Variants in C9 observed in about 807,000 individuals in gnomAD.
C9 encodes complement C9, also known as complement component C9.
C9 carries 63 observed loss-of-function variants against 65.4 expected under a neutral mutation model. That is an observed-to-expected ratio of 0.96 (90% CI 0.79 to 1.19). C9 has a LOEUF of 1.19. Among genes scored for constraint, C9 ranks in the 50% most tolerant of loss-of-function variants. C9 has a pLI of 0.00. For synonymous variants in C9, 229 were observed against 227.9 expected (o/e 1.00, Z -0.04); for missense variants, 744 against 670.1 (o/e 1.11, Z -1.22).
intron 4 of C9, among the ~76,000 whole-genome samples, chr5:39,338,609 C>G (rs1161852084): frequency 1.3e-5 from 2 of 152,212 alleles, no homozygotes; most frequent in Admixed American, 6.5e-5. Flanking sequence ...TAGGTTATTA[C>G]TCATGGTAAT....
At chr5:39,289,772 C>A (rs1489312331) in intron 9 of C9, among the ~76,000 whole-genome samples, 1 of 151,718 alleles carries the variant, frequency 6.6e-6, no homozygotes, top group Non-Finnish European at 1.5e-5. Flanking sequence ...ATTGAGGTAA[C>A]TACGATGAAC....
chr5:39,315,551 C>T (rs964306987), intron 6 of C9, among the ~76,000 whole-genome samples: 6 of 152,094 alleles, frequency 3.9e-5, no homozygotes, highest in Middle Eastern at 3.2e-3. Flanking sequence ...ATTCTTAATA[C>T]GCATTTTCTG....
intron 6 of C9, among the ~76,000 whole-genome samples, chr5:39,312,170 A>G (rs1372960134): frequency 6.6e-6 from 1 of 152,202 alleles, no homozygotes; most frequent in African/African-American, 2.4e-5. Flanking sequence ...CCATCTAAAT[A>G]TGCTGCTGTG....
chr5:39,363,778 C>T (rs568867031), intron 1 of C9, among the ~76,000 whole-genome samples: 11 of 152,130 alleles, frequency 7.2e-5, no homozygotes, highest in Admixed American at 3.9e-4. Context: ...TTTGCAATTC[C>T]GATTAGGATC....
At chr5:39,338,991 G>T (rs960797875) in intron 4 of C9, among the ~76,000 whole-genome samples, 1 of 151,798 alleles carries the variant, frequency 6.6e-6, no homozygotes, top group South Asian at 2.1e-4. Flanking sequence ...AATAACATAT[G>T]TTAAGCTGTT....
chr5:39,304,438 A>G (rs1219947017), intron 9 of C9, among the ~76,000 whole-genome samples: 2 of 152,180 alleles, frequency 1.3e-5, no homozygotes, highest in African/African-American at 2.4e-5. Flanking sequence ...GTGATCATAG[A>G]TTGTGTAATT....
chr5:39,336,982 G>T (rs924664638), intron 4 of C9, among the ~76,000 whole-genome samples: 2 of 148,752 alleles, frequency 1.3e-5, no homozygotes, highest in South Asian at 2.1e-4. Context: ...GTTGTGTCTT[G>T]TTTTTTTTTT....
chr5:39,349,896 C>G (rs1182659611), intron 1 of C9, among the ~76,000 whole-genome samples: 1 of 152,140 alleles, frequency 6.6e-6, no homozygotes, highest in Non-Finnish European at 1.5e-5. Flanking sequence ...CCTCGAGATC[C>G]TTTCCTTGGA....
rs562204501 is a variant in C9, at chr5:39,293,712, C to A, written c.1417-4761G>T. On this transcript the variant is annotated intron_variant, in intron 9 of 10. Transcript: ENST00000263408. Reference sequence around the variant, plus strand: ...TGCACCATAGACCAAATGAACCTAACAGACATTTACAGAACTTTTTGCCCA... The same window carrying A: ...TGCACCATAGACCAAATGAACCTAAAAGACATTTACAGAACTTTTTGCCCA... 3.9e-5 allele frequency among the ~76,000 whole-genome samples: 6 copies of A among 152,042 alleles called. No homozygotes were observed. In the South Asian group the frequency reaches 1.2e-3, roughly 32 times the overall value.
rs1040225028 is a variant in C9, at chr5:39,362,774, C to T, written c.77+1614G>A. ...GCTATTATTCAAACAAATCGTCTCA[C>T]TTCATGACTGAGGGCTCTGAACACT... On this transcript the variant is annotated intron_variant, in intron 1 of 10. Transcript: ENST00000263408. Among the ~76,000 whole-genome samples, 7 of 152,336 alleles carry T rather than the reference C, an allele frequency of 4.6e-5. No individual in the cohort carries two copies. In the East Asian group the frequency reaches 9.7e-4, roughly 21 times the overall value.
chr5:39,301,397 GA>G lies in C9; in HGVS notation c.1416+5219del, dbSNP rs201740612. Among the ~76,000 whole-genome samples, 17 of 146,252 alleles carry G rather than the reference GA, an allele frequency of 1.2e-4. No homozygotes were observed. The East Asian group carries it at 1.6e-3, about 14-fold the overall frequency. ...GACCCTAGATTGGATCCTGAAACAG[GA>G]AAAAAAAAAGGTTAAGGGAAAAACT... On this transcript the variant is annotated intron_variant, in intron 9 of 10. Transcript: ENST00000263408.
At chr5:39,313,615 T>C (rs1753524607) in intron 6 of C9, among the ~76,000 whole-genome samples, 1 of 152,212 alleles carries the variant, frequency 6.6e-6, no homozygotes, top group African/African-American at 2.4e-5. Flanking sequence ...ATGCTGCTGT[T>C]CCATAGACCA....
At chr5:39,314,654 C>T (rs1753541419) in intron 6 of C9, among the ~76,000 whole-genome samples, 1 of 152,070 alleles carries the variant, frequency 6.6e-6, no homozygotes, top group Admixed American at 6.6e-5. Context: ...TTAGAGACTT[C>T]TCTAACAGTT....
chr5:39,325,976 G>A (rs1035782498), intron 5 of C9, among the ~76,000 whole-genome samples: 2 of 152,036 alleles, frequency 1.3e-5, no homozygotes, highest in African/African-American at 4.8e-5. Flanking sequence ...TCCTTCTTTG[G>A]TAGATTTCCT....
In C9 at chr5:39,288,745, G is replaced by T. The variant is rs760509522; in HGVS notation, c.1623C>A (p.Ile541=). The part of the protein sequence containing the change: ...PFKFEGIACE[I]SKQKISEGLP... ...CACCTTCAGAAATTTTTTGTTTACT[G>T]ATTTCACAGGCAATTCCCTCAAATT... The change falls in exon 10 of 11, where the codon ATC becomes ATA. Residue 541 remains isoleucine (I), a synonymous_variant. Coordinates refer to ENST00000263408, the MANE Select transcript of C9 (RefSeq NM_001737.5). 2 of 1,609,904 alleles carry T rather than the reference G, an allele frequency of 1.2e-6. No individual in the cohort carries two copies. Among genetic ancestry groups the T allele is most frequent in the Admixed American group, 3.3e-5 (2 of 59,832 alleles).
chr5:39,299,946 C>T (rs1156762119), intron 9 of C9, among the ~76,000 whole-genome samples: 2 of 152,024 alleles, frequency 1.3e-5, no homozygotes, highest in East Asian at 1.9e-4. Context: ...ACTCTGATGA[C>T]TGGAAAATGT....
chr5:39,341,342 T>C, intron 3 of C9, 49 bp from the exon 4 acceptor site: 2 of 1,604,836 alleles, frequency 1.2e-6, no homozygotes, highest in Non-Finnish European at 1.7e-6. Context: ...TCAAATTTTC[T>C]CTTTCTTTCT....
chr5:39,342,935 A>C (rs1023129313), intron 1 of C9, among the ~76,000 whole-genome samples: 6 of 152,058 alleles, frequency 3.9e-5, no homozygotes, highest in Admixed American at 3.9e-4. Context: ...GGATAATTAC[A>C]AAAAAAAGAA....
rs1753843272 is a variant in C9, at chr5:39,331,721, C to T, written c.570G>A (p.Leu190=). ...CGTTCCAAGGTCTTCGGTAGTATGT[C>T]AGAGTGTTTCCATCCCGATCCCGGT... ...LCNRDRDGNT[L]TYYRRPWNVA... Residue 190 remains leucine (L), a synonymous_variant, in exon 5 of 11, where the codon CTG becomes CTA. Transcript: ENST00000263408. The T allele has an allele frequency of 6.2e-7, 1 of 1,613,794 alleles. No individual in the cohort carries two copies. Among genetic ancestry groups the T allele is most frequent in the South Asian group, 1.1e-5 (1 of 91,078 alleles).
Sources: gnomAD v4.1 joint callset for allele counts (sites outside exome capture counted in the v4.1 genomes callset) on GRCh38, gnomAD v4.1.1 for gene constraint, MANE v1.5 for transcripts, NCBI Gene and HGNC (gene_info 2026-07-23, HGNC 2026-07-21) for gene names.